The following CYP4F22 variants were observed in gnomAD, a reference collection of about 807,000 sequenced individuals.
CYP4F22 encodes the protein ultra-long-chain fatty acid omega-hydroxylase.
In CYP4F22, 37 loss-of-function variants were observed where a neutral mutation model predicts 60.4. The observed-to-expected ratio is 0.61, with a 90% CI of 0.47 to 0.81. The LOEUF (loss-of-function observed/expected upper bound fraction) is 0.81, where lower values mean the gene tolerates loss of function less well. Ranked by LOEUF, CYP4F22 falls within the 30% of genes least tolerant of loss-of-function variation. The pLI is 0.00. For synonymous variants in CYP4F22, 258 were observed against 280.5 expected (o/e 0.92, Z 0.80); for missense variants, 655 against 715.0 (o/e 0.92, Z 0.96).
chr19:15,542,279 C>T (rs1386199206), intron 8 of CYP4F22, among the ~76,000 whole-genome samples: 1 of 152,086 alleles, frequency 6.6e-6, no homozygotes, highest in Non-Finnish European at 1.5e-5. Context: ...CCCCTGTAAT[C>T]CCAGCACTTT....
chr19:15,520,388 TC>T (rs1971209084), intron 1 of CYP4F22, among the ~76,000 whole-genome samples: 2 of 144,518 alleles, frequency 1.4e-5, no homozygotes, highest in Non-Finnish European at 3.0e-5. Context: ...AAAGTCTCTT[TC>T]CCTTTTTTTG....
intron 1 of CYP4F22, among the ~76,000 whole-genome samples, chr19:15,512,759 T>C (rs917866766): frequency 6.6e-6 from 1 of 152,172 alleles, no homozygotes; most frequent in African/African-American, 2.4e-5. Flanking sequence ...TTTCCTCCAT[T>C]ATCTAAACTC....
chr19:15,533,869 A>C (rs1040771716), intron 4 of CYP4F22, among the ~76,000 whole-genome samples: 2 of 151,718 alleles, frequency 1.3e-5, no homozygotes, highest in African/African-American at 4.8e-5. Flanking sequence ...TTGTTTACCC[A>C]TTCACCTTTT....
At chr19:15,547,830 A>T (rs1599817252) in intron 10 of CYP4F22, among the ~76,000 whole-genome samples, 1 of 152,048 alleles carries the variant, frequency 6.6e-6, no homozygotes. Flanking sequence ...CTTAAAAAAA[A>T]AAAAGAAAGA....
At chr19:15,527,423 T>A (rs1254408102) in intron 3 of CYP4F22, among the ~76,000 whole-genome samples, 2 of 152,198 alleles carry the variant, frequency 1.3e-5, no homozygotes, top group African/African-American at 4.8e-5. Context: ...CCCAAAACTG[T>A]ACTCTCTGTC....
At chr19:15,536,499 G>T (rs775841763) in intron 4 of CYP4F22, among the ~76,000 whole-genome samples, 1 of 152,110 alleles carries the variant, frequency 6.6e-6, no homozygotes, top group Non-Finnish European at 1.5e-5. Flanking sequence ...GCAGGAAGGG[G>T]CGTGGTCAGA....
Position 15,543,998 on chromosome 19 carries a change from G to A in CYP4F22, c.967G>A (p.Glu323Lys), listed in dbSNP as rs1417787720. ...TGAAGATGGAAAGGAACTGTCAGAC[G>A]AGGATATCCGAGCCGAAGCAGACAC... ...RDEDGKELSDEDIRAEADTFM... is the reference protein window; with the variant it reads ...RDEDGKELSDKDIRAEADTFM... The change falls in exon 9 of 14, where the codon GAG becomes AAG. Residue 323 changes from glutamate (E) to lysine (K), a missense_variant. Physicochemically the swap from Glu to Lys is moderately conservative, Grantham distance 56. Coordinates refer to ENST00000269703, the MANE Select transcript of CYP4F22 (RefSeq NM_173483.4). 4.3e-6 allele frequency: 7 copies of A among 1,613,996 alleles called. No homozygotes were observed. Among genetic ancestry groups the A allele is most frequent in the South Asian group, 2.2e-5 (2 of 91,090 alleles).
intron 7 of CYP4F22, among the ~76,000 whole-genome samples, chr19:15,540,224 C>T (rs771143835): frequency 2.0e-5 from 3 of 151,892 alleles, no homozygotes; most frequent in Non-Finnish European, 4.4e-5. Flanking sequence ...CTTGAGCTCA[C>T]GAGTTCAAGG....
Position 15,548,000 on chromosome 19 carries a change from AGAGTGTGTGTGT to A in CYP4F22, c.1137-106_1137-95del, listed in dbSNP as rs1412779652. 124 of 294,318 alleles carry A rather than the reference AGAGTGTGTGTGT, an allele frequency of 4.2e-4. 5 individuals carry two copies. The highest frequency in any genetic ancestry group is 2.0e-3 in the African/African-American group (31 of 15,780). 18.2% of individuals were successfully genotyped at this position (294,318 alleles called of 1,614,324 possible). On this transcript the variant is annotated intron_variant, in intron 10 of 13. Transcript: ENST00000269703. Reference sequence around the variant, plus strand: ...GAGAGAGAGAGAGAGAGAGAGGGAGAGAGTGTGTGTGTGTGTGTGTGTGTGTGTGTGTGTGTG... The same window carrying A: ...GAGAGAGAGAGAGAGAGAGAGGGAGAGTGTGTGTGTGTGTGTGTGTGTGTG...
intron 1 of CYP4F22, chr19:15,516,895 T>C (rs1305156012): frequency 4.4e-5 from 10 of 229,226 alleles, no homozygotes. Flanking sequence ...AGTGGCACGA[T>C]CTTGGCTCAC....
intron 1 of CYP4F22, among the ~76,000 whole-genome samples, chr19:15,516,500 AG>A (rs1339498000): frequency 2.0e-5 from 3 of 152,240 alleles, no homozygotes; most frequent in Non-Finnish European, 4.4e-5. Context: ...TCCTTTGTTC[AG>A]GTGTGCTCTC....
chr19:15,546,868 G>A (rs1971531835), intron 10 of CYP4F22, among the ~76,000 whole-genome samples: 2 of 151,566 alleles, frequency 1.3e-5, no homozygotes, highest in African/African-American at 4.9e-5. Flanking sequence ...GTGCCATCAT[G>A]CCCAGCTAAT....
intron 1 of CYP4F22, among the ~76,000 whole-genome samples, chr19:15,519,880 G>A (rs1971201029): frequency 6.6e-6 from 1 of 152,164 alleles, no homozygotes; most frequent in South Asian, 2.1e-4. Flanking sequence ...GGTCACACTG[G>A]TGTGGACCCA....
intron 3 of CYP4F22, 75 bp downstream of exon 3, chr19:15,525,633 G>C (rs1971275152): frequency 1.4e-6 from 2 of 1,418,084 alleles, no homozygotes; most frequent in African/African-American, 2.8e-5. Flanking sequence ...TGGTGGGCCT[G>C]CTGGCTTCCC....
chr19:15,520,676 C>T (rs1971213725), intron 1 of CYP4F22, among the ~76,000 whole-genome samples: 2 of 152,132 alleles, frequency 1.3e-5, no homozygotes, highest in South Asian at 2.1e-4. Context: ...CAACCTCCGC[C>T]TCCCAAGTTC....
intron 1 of CYP4F22, among the ~76,000 whole-genome samples, chr19:15,510,957 TA>T (rs1971082686): frequency 1.7e-5 from 2 of 117,218 alleles, no homozygotes; most frequent in African/African-American, 7.3e-5. Context: ...TATATATATA[TA>T]TATATATATT....
Position 15,551,441 on chromosome 19 carries a change from C to T in CYP4F22, c.1566C>T (p.Leu522=). 2 of 1,576,172 alleles carry T rather than the reference C, an allele frequency of 1.3e-6. No individual in the cohort carries two copies. The highest frequency in any genetic ancestry group is 2.3e-5 in the South Asian group (2 of 86,388). Residue 522 remains leucine (L), a synonymous_variant, in exon 14 of 14, where the codon CTC becomes CTT. Transcript: ENST00000269703. The part of the protein sequence containing the change: ...LILRTENGLW[L]KVEPLPPRA Reference sequence around the variant, plus strand: ...TGCGCACGGAGAACGGGCTCTGGCTCAAGGTGGAGCCGCTGCCTCCGCGGG... The same window carrying T: ...TGCGCACGGAGAACGGGCTCTGGCTTAAGGTGGAGCCGCTGCCTCCGCGGG...
In CYP4F22 at chr19:15,525,573, G is replaced by A. The variant is rs374106918; in HGVS notation, c.222+15G>A. The A allele has an allele frequency of 9.1e-4, 1,459 of 1,603,636 alleles. 4 individuals carry two copies. Among genetic ancestry groups the A allele is most frequent in the Middle Eastern group, 4.4e-3 (24 of 5,480 alleles). On this transcript the variant is annotated intron_variant, in intron 3 of 13. Coordinates refer to ENST00000269703, the MANE Select transcript of CYP4F22 (RefSeq NM_173483.4). ...ACCTGGGCATGGTAAGTGTGGCCAG[G>A]CAGGACTGGGCTGGGCTGGGCTGGG...
intron 13 of CYP4F22, among the ~76,000 whole-genome samples, chr19:15,551,033 G>A (rs1263914787): frequency 6.6e-6 from 1 of 152,124 alleles, no homozygotes; most frequent in African/African-American, 2.4e-5. Context: ...ACAGATGAAG[G>A]AACTGAGACT....
Sources: gnomAD v4.1 joint callset for allele counts (sites outside exome capture counted in the v4.1 genomes callset) on GRCh38, gnomAD v4.1.1 for gene constraint, MANE v1.5 for transcripts, NCBI Gene and HGNC (gene_info 2026-07-23, HGNC 2026-07-21) for gene names.